The following GRM7 variants were observed in gnomAD, a reference collection of about 807,000 sequenced individuals.
GRM7 encodes glutamate metabotropic receptor 7.
A neutral mutation model predicts 84.5 loss-of-function variants in GRM7; 35 were observed. That is an observed-to-expected ratio of 0.41 (90% confidence interval 0.32 to 0.55). The LOEUF is 0.55. GRM7 is among the 20% of genes least tolerant of loss of function. The probability of loss-of-function intolerance (pLI) is 0.19; values close to 1 mark genes in which losing one functional copy is unlikely to be tolerated. For missense variants in GRM7, 1,003 were observed against 1,194.6 expected (o/e 0.84, Z 2.36); for synonymous variants, 487 against 455.1 (o/e 1.07, Z -0.89).
intron 7 of GRM7, among the ~76,000 whole-genome samples, chr3:7,468,502 A>G (rs940232395): frequency 6.6e-6 from 1 of 152,222 alleles, no homozygotes; most frequent in African/African-American, 2.4e-5. Context: ...ATAACATGCT[A>G]AAAACAGTGT....
intron 8 of GRM7, among the ~76,000 whole-genome samples, chr3:7,610,351 T>C (rs1202180912): frequency 6.6e-6 from 1 of 152,200 alleles, no homozygotes; most frequent in Non-Finnish European, 1.5e-5. Context: ...TGACAGCTCA[T>C]TACCAGGCAT....
At chr3:6,976,982 G>T (rs1694023781) in intron 1 of GRM7, among the ~76,000 whole-genome samples, 1 of 152,132 alleles carries the variant, frequency 6.6e-6, no homozygotes, top group Admixed American at 6.6e-5. Context: ...TCAGTGCAGA[G>T]GCTTGGGTTA....
chr3:6,982,498 A>T (rs1272676677), intron 1 of GRM7, among the ~76,000 whole-genome samples: 2 of 152,134 alleles, frequency 1.3e-5, no homozygotes, highest in Non-Finnish European at 2.9e-5. Flanking sequence ...ATTTTTTCTG[A>T]TATTACTTTT....
intron 1 of GRM7, among the ~76,000 whole-genome samples, chr3:6,891,812 A>G (rs1695961913): frequency 6.6e-6 from 1 of 152,102 alleles, no homozygotes; most frequent in East Asian, 1.9e-4. Context: ...CTCCTTTATA[A>G]TATCCTGCAG....
chr3:7,569,983 G>T (rs1348070072), intron 7 of GRM7, among the ~76,000 whole-genome samples: 1 of 152,184 alleles, frequency 6.6e-6, no homozygotes, highest in Non-Finnish European at 1.5e-5. Context: ...GTGGTGGCAG[G>T]CAAAGAGAGA....
At chr3:7,466,361 G>A (rs1179387457) in intron 7 of GRM7, among the ~76,000 whole-genome samples, 2 of 152,086 alleles carry the variant, frequency 1.3e-5, no homozygotes, top group Admixed American at 6.5e-5. Context: ...ATCTTTTGAA[G>A]GTTAAGTAGT....
chr3:6,893,923 A>G (rs1245777292), intron 1 of GRM7: 1 of 152,110 alleles, frequency 6.6e-6, no homozygotes, highest in Admixed American at 6.6e-5. Flanking sequence ...TGCTCACCTA[A>G]TATCACTCCT....
chr3:7,237,354 T>C (rs567655080), intron 2 of GRM7, among the ~76,000 whole-genome samples: 1 of 152,188 alleles, frequency 6.6e-6, no homozygotes, highest in Non-Finnish European at 1.5e-5. Context: ...TTATTTTTTA[T>C]ATCCCTTGCA....
intron 1 of GRM7, among the ~76,000 whole-genome samples, chr3:6,905,805 C>T (rs1696553979): frequency 6.6e-6 from 1 of 152,116 alleles, no homozygotes; most frequent in East Asian, 1.9e-4. Flanking sequence ...ATGTTTCCTG[C>T]CCAAAAAGTT....
intron 1 of GRM7, among the ~76,000 whole-genome samples, chr3:7,082,407 A>C (rs1007231500): frequency 3.3e-5 from 5 of 149,702 alleles, no homozygotes; most frequent in African/African-American, 1.3e-4. Context: ...ACTACTCGGT[A>C]AAAAAAAAGA....
chr3:7,026,852 A>G (rs1469394899), intron 1 of GRM7, among the ~76,000 whole-genome samples: 1 of 152,222 alleles, frequency 6.6e-6, no homozygotes, highest in Admixed American at 6.5e-5. Context: ...ACTGAATTTC[A>G]AAGTTACCCA....
intron 7 of GRM7, among the ~76,000 whole-genome samples, chr3:7,488,057 T>C (rs930610590): frequency 2.0e-5 from 3 of 152,228 alleles, no homozygotes; most frequent in Non-Finnish European, 2.9e-5. Context: ...TAAGAGCTAA[T>C]GTTTGCCCTG....
In GRM7 at chr3:7,482,110, C is replaced by T. The variant is rs1023514270; in HGVS notation, c.1515+20388C>T. 7.9e-5 allele frequency among the ~76,000 whole-genome samples: 12 copies of T among 152,270 alleles called. 2 individuals carry two copies. The highest frequency in any genetic ancestry group is 2.0e-4 in the Admixed American group (3 of 15,284). Reference sequence around the variant, plus strand: ...GGCTGAGGCAGGAGAATGGCGTGAACCCAGGAGGCGGAGGTTGCAGTGAGC... The same window carrying T: ...GGCTGAGGCAGGAGAATGGCGTGAATCCAGGAGGCGGAGGTTGCAGTGAGC... On this transcript the variant is annotated intron_variant, in intron 7 of 9. Coordinates refer to ENST00000357716, the MANE Select transcript of GRM7 (RefSeq NM_000844.4).
intron 2 of GRM7, among the ~76,000 whole-genome samples, chr3:7,149,853 C>A (rs1694228257): frequency 6.6e-6 from 1 of 152,028 alleles, no homozygotes; most frequent in Admixed American, 6.6e-5. Flanking sequence ...ACAATGGCTC[C>A]CTATAAATAA....
At chr3:7,543,832 A>G (rs1461316645) in intron 7 of GRM7, among the ~76,000 whole-genome samples, 3 of 152,224 alleles carry the variant, frequency 2.0e-5, no homozygotes, top group Non-Finnish European at 4.4e-5. Context: ...ATGGTGCTGC[A>G]CTTGAGTTAC....
At chr3:7,732,892 A>G (rs1702379325) in intron 9 of GRM7, among the ~76,000 whole-genome samples, 1 of 152,212 alleles carries the variant, frequency 6.6e-6, no homozygotes, top group African/African-American at 2.4e-5. Context: ...GAGCACCCCA[A>G]GGGCCGCTGG....
At chr3:7,662,902 T>C (rs1699528871) in intron 8 of GRM7, among the ~76,000 whole-genome samples, 2 of 152,218 alleles carry the variant, frequency 1.3e-5, no homozygotes, top group Admixed American at 6.5e-5. Flanking sequence ...CAATTCATAG[T>C]CATAGGAATG....
chr3:7,358,170 A>G (rs1224329660), intron 4 of GRM7, among the ~76,000 whole-genome samples: 1 of 152,134 alleles, frequency 6.6e-6, no homozygotes, highest in East Asian at 1.9e-4. Context: ...TGGAGGCTGG[A>G]AGAAGGAAGC....
At chr3:7,400,521 A>G (rs1360667427) in intron 4 of GRM7, among the ~76,000 whole-genome samples, 2 of 152,122 alleles carry the variant, frequency 1.3e-5, no homozygotes, top group African/African-American at 2.4e-5. Context: ...AAATCAGTCT[A>G]TTCATCACCT....
Sources: allele counts gnomAD v4.1 joint callset (sites outside exome capture counted in the v4.1 genomes callset), GRCh38; gene constraint gnomAD v4.1.1; transcripts MANE v1.5; gene names NCBI Gene and HGNC (gene_info 2026-07-23, HGNC 2026-07-21).